KIF13B: variants seen among roughly 807,000 people sequenced by gnomAD.
KIF13B encodes the protein kinesin family member 13B, also known as kinesin-like protein KIF13B.
A neutral mutation model predicts 222.0 loss-of-function variants in KIF13B; 127 were observed. That is an observed-to-expected ratio of 0.57 (90% CI 0.50 to 0.66). The LOEUF is 0.66. Ranked by LOEUF, KIF13B falls within the 30% of genes least tolerant of loss-of-function variation. KIF13B has a pLI of 0.00. For missense variants in KIF13B, 2,173 were observed against 2,379.0 expected (o/e 0.91, Z 1.80); for synonymous variants, 976 against 919.0 (o/e 1.06, Z -1.12).
chr8:29,088,941 C>T (rs900583993), intron 37 of KIF13B, among the ~76,000 whole-genome samples: 2 of 152,224 alleles, frequency 1.3e-5, no homozygotes, highest in African/African-American at 4.8e-5. Flanking sequence ...CAACCAAGAG[C>T]GTCTCTGATC....
At chr8:29,203,961 C>T (rs535027035) in intron 2 of KIF13B, among the ~76,000 whole-genome samples, 1 of 150,574 alleles carries the variant, frequency 6.6e-6, no homozygotes, top group South Asian at 2.1e-4. Context: ...GAAACTGGTG[C>T]CAATTACCCC....
chr8:29,133,988 T>C, intron 22 of KIF13B, 52 bp downstream of exon 22: 3 of 1,524,744 alleles, frequency 2.0e-6, no homozygotes, highest in Non-Finnish European at 2.7e-6. Flanking sequence ...TTTTCTGTTT[T>C]GTTTTCACAT....
At chr8:29,182,138 CAGA>C (rs1812739159) in intron 6 of KIF13B, 132 bp from the exon 7 acceptor site, 1 of 581,738 alleles carries the variant, frequency 1.7e-6, no homozygotes, top group Admixed American at 3.4e-5. Context: ...GACTTGATCC[CAGA>C]AGAATTTAAA....
At chr8:29,245,250 G>A in intron 2 of KIF13B, 96 bp downstream of exon 2, 1 of 793,058 alleles carries the variant, frequency 1.3e-6, no homozygotes, top group Non-Finnish European at 2.1e-6. Context: ...TACAGGGTAG[G>A]CATTCGATAT....
chr8:29,142,137 T>G lies in KIF13B; in HGVS notation c.2334+20A>C, dbSNP rs752766950. 5.9e-5 allele frequency: 95 copies of G among 1,602,756 alleles called. No individual in the cohort carries two copies. The highest frequency in any genetic ancestry group is 8.0e-5 in the Non-Finnish European group (94 of 1,171,092). On this transcript the variant is annotated intron_variant, in intron 19 of 39. Transcript: ENST00000524189. ...CCTTCCATAATTACCAATTAAGTGA[T>G]TTTCTCTTAAATAACTTACTGGGTT... is the stretch of plus-strand genomic sequence containing the variant.
chr8:29,115,507 G>A (rs1430980973), intron 31 of KIF13B, among the ~76,000 whole-genome samples: 1 of 151,962 alleles, frequency 6.6e-6, no homozygotes, highest in Non-Finnish European at 1.5e-5. Context: ...TGTAGTTTTA[G>A]TAGAGACAGG....
At chr8:29,139,259 A>C (rs1246614239) in intron 21 of KIF13B, among the ~76,000 whole-genome samples, 1 of 152,192 alleles carries the variant, frequency 6.6e-6, no homozygotes, top group Non-Finnish European at 1.5e-5. Context: ...AATAAGGATA[A>C]ATTTCCCAAG....
Position 29,090,236 on chromosome 8 carries a change from C to T in KIF13B, c.4458+2509G>A, listed in dbSNP as rs558164740. 1.1e-4 allele frequency among the ~76,000 whole-genome samples: 16 copies of T among 152,322 alleles called. 1 individual carries two copies. The East Asian group carries it at 2.7e-3, about 26-fold the overall frequency. On this transcript the variant is annotated intron_variant, in intron 37 of 39. Coordinates refer to ENST00000524189, the MANE Select transcript of KIF13B (RefSeq NM_015254.4). ...TGAGAAATTCACATTTCACTCCTTT[C>T]AGTGGGAGACACTGGAAGGTGTCAC...
rs2130273367 is a variant in KIF13B, at chr8:29,180,185, G to A, written c.639C>T (p.Thr213=). ...ATCGGCTACTCTCCTCGTTCATGTT[G>A]GTTGCAGCAACTGTGCGAGATTTGT... ...EGNKSRTVAA[T]NMNEESSRSH... is the part of the protein sequence containing the mutation. The change falls in exon 8 of 40, where the codon ACC becomes ACT. Residue 213 remains threonine (T), a synonymous_variant. Coordinates refer to ENST00000524189, the MANE Select transcript of KIF13B (RefSeq NM_015254.4). 1 of 1,613,926 alleles carries A rather than the reference G, an allele frequency of 6.2e-7. No homozygotes were observed. The highest frequency in any genetic ancestry group is 1.3e-5 in the African/African-American group (1 of 75,042).
chr8:29,078,222 G>A (rs979173702), intron 37 of KIF13B, among the ~76,000 whole-genome samples: 1 of 150,834 alleles, frequency 6.6e-6, no homozygotes, highest in South Asian at 2.1e-4. Context: ...TTGAACCTGG[G>A]AGGTGGAGGT....
At chr8:29,102,830 T>C (rs1198843447) in intron 35 of KIF13B, among the ~76,000 whole-genome samples, 2 of 152,210 alleles carry the variant, frequency 1.3e-5, no homozygotes, top group Non-Finnish European at 2.9e-5. Flanking sequence ...AACTGGGTAT[T>C]TGTTCATGCT....
chr8:29,132,420 C>T lies in KIF13B; in HGVS notation c.2830G>A (p.Glu944Lys), dbSNP rs764266402. The T allele has an allele frequency of 1.1e-5, 18 of 1,579,660 alleles. No homozygotes were observed. Among genetic ancestry groups the T allele is most frequent in the African/African-American group, 4.1e-5 (3 of 73,296 alleles). Residue 944 changes from glutamate (E) to lysine (K), a missense_variant, in exon 23 of 40, where the codon GAA (glutamate) becomes AAA (lysine). Glu to Lys is a moderately conservative substitution (Grantham distance 56). This residue lies in a region of KIF13B where 1,480 missense variants were observed against 1,722.8 expected (regional missense o/e 0.86). Transcript: ENST00000524189. Reference protein sequence around the residue: ...ITEDFIEHLSEGALAIEVYGH... With the variant: ...ITEDFIEHLSKGALAIEVYGH... ...TATACTTCAATTGCCAATGCTCCTT[C>T]GGAAAGATGCTCGATAAAGTCTTCG...
intron 2 of KIF13B, among the ~76,000 whole-genome samples, chr8:29,239,601 T>C (rs1160539146): frequency 6.6e-6 from 1 of 152,188 alleles, no homozygotes; most frequent in African/African-American, 2.4e-5. Flanking sequence ...ACTGTCTGGA[T>C]GGCAGGATCA....
chr8:29,134,236 T>C (rs371595980), intron 21 of KIF13B, 26 bp from the exon 22 acceptor site: 754 of 1,607,672 alleles, frequency 4.7e-4, no homozygotes, highest in Non-Finnish European at 6.2e-4. Flanking sequence ...GGCTCTGTGT[T>C]TTGAAATCTG....
At chr8:29,163,042 C>T (rs1470812362) in intron 12 of KIF13B, among the ~76,000 whole-genome samples, 1 of 152,170 alleles carries the variant, frequency 6.6e-6, no homozygotes. Context: ...CATTGTCTGT[C>T]AACCCCTGAT....
rs1008603723 is a variant in KIF13B at position 29,069,980 on chromosome 8, G to A, written c.*524C>T. The A allele has an allele frequency of 2.6e-5, 4 of 155,472 alleles. No individual in the cohort carries two copies. Among genetic ancestry groups the A allele is most frequent in the African/African-American group, 9.7e-5 (4 of 41,208 alleles). 9.6% of individuals were successfully genotyped at this position (155,472 alleles called of 1,614,324 possible). On this transcript the variant is annotated 3_prime_UTR_variant, in exon 40 of 40. Coordinates refer to ENST00000524189, the MANE Select transcript of KIF13B (RefSeq NM_015254.4). ...GTGGAACCTGGGACCAGGGTGGGAG[G>A]CTGGGGGGTCCCCCAGAGGCACTTT...
At chr8:29,142,440 AGCCTCC>A in intron 18 of KIF13B, 137 bp from the exon 19 acceptor site, 1 of 733,846 alleles carries the variant, frequency 1.4e-6, no homozygotes, top group Non-Finnish European at 2.2e-6. Context: ...TTGATTACAA[AGCCTCC>A]AAAAAGTCTT....
At chr8:29,100,281 G>A (rs1013262339) in intron 35 of KIF13B, among the ~76,000 whole-genome samples, 17 of 152,096 alleles carry the variant, frequency 1.1e-4, no homozygotes, top group African/African-American at 3.9e-4. Flanking sequence ...CCCTATCTAG[G>A]GAAGAAATAA....
chr8:29,099,174 G>T lies in KIF13B; in HGVS notation c.4283C>A (p.Ala1428Asp). 1 of 1,613,718 alleles carries T rather than the reference G, an allele frequency of 6.2e-7. No individual in the cohort carries two copies. Among genetic ancestry groups the T allele is most frequent in the East Asian group, 2.2e-5 (1 of 44,850 alleles). Residue 1428 changes from alanine (A) to aspartate (D), a missense_variant, in exon 36 of 40, where the codon GCC becomes GAC. Physicochemically the swap from Ala to Asp is moderately radical, Grantham distance 126. This residue lies in a region of KIF13B where 693 missense variants were observed against 656.2 expected (regional missense o/e 1.06). Transcript: ENST00000524189. Reference protein sequence around the residue: ...TVSRGIAPAPALSVSPQNNHS... With the variant: ...TVSRGIAPAPDLSVSPQNNHS... ...GTTATTTTGGGGAGAAACAGAGAGG[G>T]CGGGGGCAGGAGCTATTCCTCTGGA... is the stretch of plus-strand genomic sequence containing the variant.
Sources: allele counts gnomAD v4.1 joint callset (sites outside exome capture counted in the v4.1 genomes callset), GRCh38; gene constraint gnomAD v4.1.1; regional missense constraint gnomAD v4.1.1; transcripts MANE v1.5; gene names NCBI Gene and HGNC (gene_info 2026-07-23, HGNC 2026-07-21).